TMEM50B: variants seen among roughly 807,000 people sequenced by gnomAD.
TMEM50B encodes the protein HCV p7-trans-regulated protein 3.
Under a neutral mutation model 23.4 loss-of-function variants are expected in TMEM50B, and 14 were observed. The ratio of observed to expected loss-of-function variants is 0.60; its 90% CI spans 0.39 to 0.93. The LOEUF (loss-of-function observed/expected upper bound fraction) is 0.93. Ranked by LOEUF, TMEM50B falls within the 40% of genes least tolerant of loss-of-function variation. TMEM50B has a pLI of 0.00. For missense variants in TMEM50B, 159 were observed against 193.0 expected (o/e 0.82, Z 1.04); for synonymous variants, 64 against 62.3 (o/e 1.03, Z -0.13).
intron 7 of TMEM50B, among the ~76,000 whole-genome samples, chr21:33,443,592 C>T (rs892054218): frequency 1.3e-5 from 2 of 152,208 alleles, no homozygotes; most frequent in Admixed American, 6.5e-5. Flanking sequence ...CTAAATGCAA[C>T]GTGTGACCAT....
chr21:33,478,583 T>C (rs965649422), intron 1 of TMEM50B, among the ~76,000 whole-genome samples: 1 of 152,130 alleles, frequency 6.6e-6, no homozygotes, highest in African/African-American at 2.4e-5. Context: ...GTAACCCTAG[T>C]TGACAGAGAG....
At chr21:33,477,203 G>A (rs1261209456) in intron 1 of TMEM50B, among the ~76,000 whole-genome samples, 1 of 151,992 alleles carries the variant, frequency 6.6e-6, no homozygotes, top group Admixed American at 6.6e-5. Flanking sequence ...GCTGAGGTGG[G>A]AGGATCGTTT....
At chr21:33,457,074 G>C (rs1256636379) in intron 5 of TMEM50B, among the ~76,000 whole-genome samples, 1 of 151,958 alleles carries the variant, frequency 6.6e-6, no homozygotes, top group South Asian at 2.1e-4. Context: ...GGCCAACATG[G>C]GGAAACCCTG....
intron 5 of TMEM50B, among the ~76,000 whole-genome samples, chr21:33,459,526 G>C (rs1332895215): frequency 6.6e-6 from 1 of 151,972 alleles, no homozygotes; most frequent in Admixed American, 6.6e-5. Context: ...AAATTAGCTG[G>C]GTGTGGTGGC....
At chr21:33,446,655 C>CAA (rs869154931), downstream of TMEM50B, among the ~76,000 whole-genome samples, 3,414 of 19,168 alleles carry the variant, frequency 0.18, 1,011 homozygotes, top group Non-Finnish European at 0.21. Flanking sequence ...CACACACACA[C>CAA]AAAAAAAAAA....
chr21:33,459,106 T>C (rs1182950848), intron 5 of TMEM50B, among the ~76,000 whole-genome samples: 1 of 152,120 alleles, frequency 6.6e-6, no homozygotes, highest in Non-Finnish European at 1.5e-5. Flanking sequence ...ATGAATAAAT[T>C]GCGTTCTCTG....
chr21:33,477,132 CTACAAAAAT>C (rs373444352), intron 1 of TMEM50B, among the ~76,000 whole-genome samples: 8 of 152,006 alleles, frequency 5.3e-5, no homozygotes, highest in Admixed American at 2.0e-4. Context: ...AAACCCGTCT[CTACAAAAAT>C]TACAAAAATT....
chr21:33,449,369 T>TG lies in TMEM50B; in HGVS notation c.*1448dup, dbSNP rs1180721172. The stretch of plus-strand genomic sequence containing the variant: ...GAGAGAGGAGAGGAGTGATGCCAAA[T>TG]GGGCTTACATTAGAGCCGTGGACAC... On this transcript the variant is annotated 3_prime_UTR_variant, in exon 7 of 7. Transcript: ENST00000542230. 1 of 152,572 alleles carries TG rather than the reference T, an allele frequency of 6.6e-6. No homozygotes were observed. The highest frequency in any genetic ancestry group is 2.4e-5 in the African/African-American group (1 of 41,438). 9.5% of individuals were successfully genotyped at this position (152,572 alleles called of 1,614,324 possible).
intron 1 of TMEM50B, among the ~76,000 whole-genome samples, chr21:33,471,633 G>A (rs1252123184): frequency 6.6e-6 from 1 of 152,058 alleles, no homozygotes; most frequent in Non-Finnish European, 1.5e-5. Context: ...CAGCTACTCA[G>A]AAGGTCGAGG....
chr21:33,443,401 T>C (rs778535637), intron 7 of TMEM50B, among the ~76,000 whole-genome samples: 2 of 114,770 alleles, frequency 1.7e-5, no homozygotes, highest in Non-Finnish European at 3.8e-5. Flanking sequence ...TGTGGGTACA[T>C]TCCTGTAGGC....
intron 4 of TMEM50B, among the ~76,000 whole-genome samples, chr21:33,464,314 C>T (rs1157047870): frequency 9.2e-5 from 14 of 151,570 alleles, no homozygotes. Flanking sequence ...TCTCTTGCCT[C>T]AGCCTCCCAA....
chr21:33,460,197 C>G (rs770104707), intron 5 of TMEM50B, among the ~76,000 whole-genome samples: 2 of 152,142 alleles, frequency 1.3e-5, no homozygotes, highest in Admixed American at 6.6e-5. Flanking sequence ...TGAGAGGTAC[C>G]AGCTTTGTCA....
chr21:33,467,839 T>A (rs1025256418), intron 2 of TMEM50B, among the ~76,000 whole-genome samples: 2 of 152,100 alleles, frequency 1.3e-5, no homozygotes, highest in Admixed American at 6.6e-5. Flanking sequence ...GAACTGTACA[T>A]TGAAAGAGAT....
At chr21:33,444,803 C>CAAAAAAAAAAAAAAAA (rs60816843), downstream of TMEM50B, among the ~76,000 whole-genome samples, 32 of 96,162 alleles carry the variant, frequency 3.3e-4, no homozygotes, top group South Asian at 7.5e-4. Context: ...CATCTCTTTA[C>CAAAAAAAAAAAAAAAA]AAAAAAAAAA....
At chr21:33,472,774 A>G (rs1462973861) in intron 1 of TMEM50B, among the ~76,000 whole-genome samples, 1 of 151,950 alleles carries the variant, frequency 6.6e-6, no homozygotes. Context: ...TGGGAGGCTG[A>G]GGCAGGAGGA....
chr21:33,442,346 G>A (rs1366701044), intron 7 of TMEM50B, among the ~76,000 whole-genome samples: 1 of 152,122 alleles, frequency 6.6e-6, no homozygotes, highest in East Asian at 1.9e-4. Context: ...AAAACAGCTG[G>A]CTACGCTTGA....
At chr21:33,475,374 G>A (rs1223330399) in intron 1 of TMEM50B, among the ~76,000 whole-genome samples, 1 of 151,976 alleles carries the variant, frequency 6.6e-6, no homozygotes. Context: ...GGGAGATGGA[G>A]TCTCGCTCTG....
intron 1 of TMEM50B, chr21:33,469,718 C>T (rs555023459): frequency 6.6e-6 from 1 of 152,288 alleles, no homozygotes; most frequent in East Asian, 1.9e-4. Flanking sequence ...TTCTGACCCA[C>T]AGTTACAGTT....
chr21:33,432,959 C>A, intron 8 of TMEM50B: 1 of 1,097,116 alleles, frequency 9.1e-7, no homozygotes, highest in South Asian at 1.3e-5. Flanking sequence ...AATCTCTGCT[C>A]ACTGCAGCCT....
Sources: allele counts gnomAD v4.1 joint callset (sites outside exome capture counted in the v4.1 genomes callset), GRCh38; gene constraint gnomAD v4.1.1; transcripts MANE v1.5; gene names NCBI Gene and HGNC (gene_info 2026-07-23, HGNC 2026-07-21).